The following CFAP299 variants were observed in gnomAD, a reference collection of about 807,000 sequenced individuals.
The protein encoded by CFAP299 is cilia and flagella associated protein 299.
CFAP299 carries 21 observed loss-of-function variants against 27.0 expected under a neutral mutation model. The ratio of observed to expected loss-of-function variants is 0.78; its 90% CI spans 0.55 to 1.12. The LOEUF is 1.12. Ranked by LOEUF, CFAP299 falls within the 50% of genes most tolerant of loss-of-function variation. The pLI, the probability that CFAP299 is intolerant of heterozygous loss-of-function variation, is 0.00. For missense variants in CFAP299, 310 were observed against 276.6 expected (o/e 1.12, Z -0.86); for synonymous variants, 104 against 98.1 (o/e 1.06, Z -0.36).
intron 5 of CFAP299, among the ~76,000 whole-genome samples, chr4:80,950,335 C>G (rs1354928002): frequency 6.7e-6 from 1 of 149,458 alleles, no homozygotes; most frequent in Non-Finnish European, 1.5e-5. Flanking sequence ...AGGTAGATTT[C>G]TTGTCCTAAA....
At chr4:80,497,443 A>G (rs541707706) in intron 2 of CFAP299, among the ~76,000 whole-genome samples, 2 of 152,326 alleles carry the variant, frequency 1.3e-5, no homozygotes, top group African/African-American at 4.8e-5. Flanking sequence ...AAAATAAAGT[A>G]AGTTCTCACT....
At chr4:80,866,063 A>T (rs1297586033) in intron 3 of CFAP299, among the ~76,000 whole-genome samples, 1 of 52,970 alleles carries the variant, frequency 1.9e-5, no homozygotes, top group Non-Finnish European at 3.1e-5. Context: ...AAAGTATTAT[A>T]TATATATATA....
At chr4:80,442,469 C>T (rs919399011) in intron 2 of CFAP299, among the ~76,000 whole-genome samples, 3 of 152,072 alleles carry the variant, frequency 2.0e-5, no homozygotes, top group East Asian at 1.9e-4. Context: ...GGGTAAATAA[C>T]GAAATTAAGG....
At chr4:80,551,316 C>T (rs1734502472) in intron 2 of CFAP299, among the ~76,000 whole-genome samples, 1 of 152,026 alleles carries the variant, frequency 6.6e-6, no homozygotes, top group Admixed American at 6.6e-5. Context: ...AGTGTTTCAG[C>T]TGACAACAAT....
chr4:80,708,922 A>G (rs1012540599), intron 3 of CFAP299, among the ~76,000 whole-genome samples: 1 of 152,290 alleles, frequency 6.6e-6, no homozygotes, highest in East Asian at 1.9e-4. Flanking sequence ...AAAGATTAAT[A>G]TAGGGAACCA....
intron 3 of CFAP299, among the ~76,000 whole-genome samples, chr4:80,837,246 C>G (rs904156814): frequency 1.3e-5 from 2 of 152,156 alleles, no homozygotes. Context: ...TTAAATTCTA[C>G]TGTCACCAAG....
chr4:80,896,868 C>G (rs1426265610), intron 4 of CFAP299, among the ~76,000 whole-genome samples: 4 of 151,946 alleles, frequency 2.6e-5, no homozygotes, highest in Admixed American at 6.6e-5. Flanking sequence ...ATCAATCATA[C>G]CTTGCTGCTA....
At chr4:80,719,913 A>G (rs1722717825) in intron 3 of CFAP299, among the ~76,000 whole-genome samples, 1 of 152,172 alleles carries the variant, frequency 6.6e-6, no homozygotes, top group Admixed American at 6.5e-5. Flanking sequence ...AATGAACTGA[A>G]TAAAATAACT....
intron 3 of CFAP299, among the ~76,000 whole-genome samples, chr4:80,792,150 A>G (rs1727608195): frequency 6.6e-6 from 1 of 152,082 alleles, no homozygotes; most frequent in Non-Finnish European, 1.5e-5. Context: ...ATTAAAATAA[A>G]AAGTTAAAAT....
intron 3 of CFAP299, among the ~76,000 whole-genome samples, chr4:80,751,662 A>G (rs1200185483): frequency 6.6e-6 from 1 of 152,162 alleles, no homozygotes; most frequent in Non-Finnish European, 1.5e-5. Context: ...TCTCATCAGG[A>G]CCATTTGTAT....
At chr4:80,836,765 T>C (rs917160638) in intron 3 of CFAP299, among the ~76,000 whole-genome samples, 2 of 152,204 alleles carry the variant, frequency 1.3e-5, no homozygotes, top group Non-Finnish European at 2.9e-5. Context: ...TTCTGCCTGC[T>C]ACATAGTTTC....
At chr4:80,673,497 G>C (rs1394771664) in intron 3 of CFAP299, among the ~76,000 whole-genome samples, 1 of 151,910 alleles carries the variant, frequency 6.6e-6, no homozygotes. Flanking sequence ...TTGATTTGAG[G>C]TGGAGAGTTC....
chr4:80,675,266 TC>T (rs1238859019), intron 3 of CFAP299, among the ~76,000 whole-genome samples: 6 of 152,202 alleles, frequency 3.9e-5, no homozygotes, highest in African/African-American at 1.4e-4. Context: ...TAGTTTTCCT[TC>T]TAAGTATCAG....
chr4:80,694,526 G>A (rs994244324), intron 3 of CFAP299, among the ~76,000 whole-genome samples: 2 of 152,168 alleles, frequency 1.3e-5, no homozygotes, highest in African/African-American at 4.8e-5. Flanking sequence ...TAAGCTTCAT[G>A]ATAATATGCA....
At chr4:80,901,316 T>C (rs1734881246) in intron 4 of CFAP299, among the ~76,000 whole-genome samples, 1 of 152,196 alleles carries the variant, frequency 6.6e-6, no homozygotes, top group African/African-American at 2.4e-5. Context: ...TCCATTACTG[T>C]ATCAACAGGA....
chr4:80,680,511 C>G (rs1719771114), intron 3 of CFAP299, among the ~76,000 whole-genome samples: 1 of 151,994 alleles, frequency 6.6e-6, no homozygotes, highest in Non-Finnish European at 1.5e-5. Flanking sequence ...TATTTTGTAA[C>G]AAGGGCAATA....
intron 2 of CFAP299, among the ~76,000 whole-genome samples, chr4:80,371,642 G>T (rs1724157140): frequency 6.6e-6 from 1 of 152,124 alleles, no homozygotes; most frequent in South Asian, 2.1e-4. Context: ...CAAATTAAAA[G>T]TTCCACAGAT....
chr4:80,940,398 T>C (rs1737132258), intron 4 of CFAP299, among the ~76,000 whole-genome samples: 1 of 152,156 alleles, frequency 6.6e-6, no homozygotes, highest in African/African-American at 2.4e-5. Context: ...ATGGGAGAAA[T>C]CATGGGCCTG....
intron 2 of CFAP299, among the ~76,000 whole-genome samples, chr4:80,382,524 A>G (rs1366624339): frequency 1.3e-5 from 2 of 152,232 alleles, no homozygotes; most frequent in Non-Finnish European, 2.9e-5. Flanking sequence ...AAGTAGGCAA[A>G]GGACATGAAC....
Sources: gnomAD v4.1 joint callset for allele counts (sites outside exome capture counted in the v4.1 genomes callset) on GRCh38, gnomAD v4.1.1 for gene constraint, MANE v1.5 for transcripts, NCBI Gene and HGNC (gene_info 2026-07-23, HGNC 2026-07-21) for gene names.